The following SH3BGRL2 variants were observed in gnomAD, a reference collection of about 807,000 sequenced individuals.
SH3BGRL2 encodes the protein SH3 domain binding glutamate rich protein like 2.
Under a neutral mutation model 14.8 loss-of-function variants are expected in SH3BGRL2, and 21 were observed. That is an observed-to-expected ratio of 1.42 (90% CI 1.01 to 2.05). The LOEUF (loss-of-function observed/expected upper bound fraction) is 2.05, where lower values mean the gene tolerates loss of function less well. Ranked by LOEUF, SH3BGRL2 falls within the 30% of genes most tolerant of loss-of-function variation. The probability of loss-of-function intolerance (pLI) is 0.00; values close to 1 mark genes in which losing one functional copy is unlikely to be tolerated. For missense variants in SH3BGRL2, 147 were observed against 130.8 expected, an observed-to-expected ratio of 1.12 and a Z score of -0.61; for synonymous variants, 50 against 47.8, an observed-to-expected ratio of 1.05 and a Z score of -0.19.
At chr6:79,671,220 A>G (rs1310835523) in intron 1 of SH3BGRL2, among the ~76,000 whole-genome samples, 2 of 152,092 alleles carry the variant, frequency 1.3e-5, no homozygotes, top group African/African-American at 4.8e-5. Flanking sequence ...TAATCCCAGC[A>G]CTTTGCGAGG....
the SH3BGRL2 span, among the ~76,000 whole-genome samples, chr6:79,569,833 C>T: frequency 1.6e-4 from 24 of 152,138 alleles, no homozygotes; most frequent in Non-Finnish European, 3.5e-4. Flanking sequence ...CTACAGTAGT[C>T]TCTTTAATCA....
upstream of SH3BGRL2, among the ~76,000 whole-genome samples, chr6:79,630,099 C>T (rs142481802): frequency 5.3e-5 from 8 of 152,036 alleles, no homozygotes; most frequent in African/African-American, 1.7e-4. Flanking sequence ...ATTTTAAACA[C>T]GAAGAAGAAA....
chr6:79,703,564 C>G lies in SH3BGRL2; in HGVS notation c.*4055C>G, dbSNP rs1360128687. The G allele has an allele frequency of 6.6e-6, 1 of 152,174 alleles. No homozygotes were observed. Among genetic ancestry groups the G allele is most frequent in the Admixed American group, 6.5e-5 (1 of 15,268 alleles). 9.4% of individuals were successfully genotyped at this position (152,174 alleles called of 1,614,324 possible). On this transcript the variant is annotated 3_prime_UTR_variant, in exon 4 of 4. Coordinates refer to ENST00000369838, the MANE Select transcript of SH3BGRL2 (RefSeq NM_031469.4). The stretch of plus-strand genomic sequence containing the variant: ...CTGTCTGATAGAGGGAACCCCTGTA[C>G]TGAACTTTGTGTTGACCATAGCCTT...
At chr6:79,663,023 T>G (rs1230589205) in intron 1 of SH3BGRL2, among the ~76,000 whole-genome samples, 1 of 152,226 alleles carries the variant, frequency 6.6e-6, no homozygotes, top group Non-Finnish European at 1.5e-5. Context: ...TTCTCTACAC[T>G]GCTTATTCTA....
chr6:79,615,832 C>CTTTTT, the SH3BGRL2 span, among the ~76,000 whole-genome samples: 15 of 109,212 alleles, frequency 1.4e-4, no homozygotes, highest in Non-Finnish European at 2.1e-4. Flanking sequence ...TTTTTTCTTT[C>CTTTTT]TTTTTTTTTT....
intron 1 of SH3BGRL2, among the ~76,000 whole-genome samples, chr6:79,655,955 G>A (rs1336257070): frequency 6.6e-6 from 1 of 152,208 alleles, no homozygotes. Context: ...AGTGGGAGGG[G>A]AAGGTAGTTG....
At chr6:79,589,218 T>TG in the SH3BGRL2 span, among the ~76,000 whole-genome samples, 1 of 149,478 alleles carries the variant, frequency 6.7e-6, no homozygotes. Context: ...TTTTTTTTTT[T>TG]GATTCATGGT....
At chr6:79,605,228 A>G in the SH3BGRL2 span, among the ~76,000 whole-genome samples, 1 of 152,200 alleles carries the variant, frequency 6.6e-6, no homozygotes, top group Non-Finnish European at 1.5e-5. Context: ...CACATGCTAT[A>G]AGATCAATAT....
chr6:79,555,380 G>A, the SH3BGRL2 span, among the ~76,000 whole-genome samples: 1 of 152,054 alleles, frequency 6.6e-6, no homozygotes, highest in Non-Finnish European at 1.5e-5. Flanking sequence ...AACCCAGGAA[G>A]TAGAGGTTGC....
At chr6:79,648,343 AAT>A (rs761993154) in intron 1 of SH3BGRL2, among the ~76,000 whole-genome samples, 17 of 140,372 alleles carry the variant, frequency 1.2e-4, no homozygotes, top group African/African-American at 2.6e-4. Context: ...TTATATATAT[AAT>A]ATATATATAT....
the SH3BGRL2 span, among the ~76,000 whole-genome samples, chr6:79,541,324 A>C: frequency 6.6e-6 from 1 of 152,112 alleles, no homozygotes; most frequent in Non-Finnish European, 1.5e-5. Context: ...ACTGTATGTA[A>C]ATTTTACCTC....
chr6:79,603,622 G>A, the SH3BGRL2 span, among the ~76,000 whole-genome samples: 3 of 152,138 alleles, frequency 2.0e-5, no homozygotes, highest in Non-Finnish European at 4.4e-5. Context: ...AACGTCACAG[G>A]ATCTGGGATA....
At chr6:79,564,617 G>A in the SH3BGRL2 span, among the ~76,000 whole-genome samples, 3 of 151,910 alleles carry the variant, frequency 2.0e-5, no homozygotes, top group African/African-American at 7.3e-5. Context: ...AGCAAGGAGA[G>A]GCTTCCAATT....
chr6:79,597,469 A>G, the SH3BGRL2 span, among the ~76,000 whole-genome samples: 11 of 152,160 alleles, frequency 7.2e-5, no homozygotes, highest in Non-Finnish European at 1.3e-4. Flanking sequence ...AAGTCCTCAC[A>G]TTTAGGGTCA....
intron 1 of SH3BGRL2, among the ~76,000 whole-genome samples, chr6:79,655,744 G>A (rs9343925): frequency 0.098 from 14,982 of 152,228 alleles, 1,060 homozygotes; most frequent in East Asian, 0.32. Flanking sequence ...GTTCATCCAT[G>A]TTGTACATGT....
the SH3BGRL2 span, among the ~76,000 whole-genome samples, chr6:79,616,193 A>T: frequency 2.0e-5 from 3 of 152,096 alleles, no homozygotes; most frequent in African/African-American, 7.2e-5. Flanking sequence ...TGTGTTTGGG[A>T]GGCAGTGAGG....
intron 1 of SH3BGRL2, among the ~76,000 whole-genome samples, chr6:79,649,512 C>T (rs968019230): frequency 1.3e-5 from 2 of 152,154 alleles, no homozygotes; most frequent in Non-Finnish European, 1.5e-5. Flanking sequence ...TTTGCTCCTA[C>T]CTCTGGCCCC....
chr6:79,577,831 G>A, the SH3BGRL2 span, among the ~76,000 whole-genome samples: 4 of 152,328 alleles, frequency 2.6e-5, no homozygotes, highest in South Asian at 4.1e-4. Context: ...CACCTCACCC[G>A]GGAAGCACAA....
the SH3BGRL2 span, chr6:79,553,071 G>A: frequency 6.6e-6 from 1 of 152,140 alleles, no homozygotes. Flanking sequence ...TCAAGTTTTA[G>A]AATGGAAGCT....
Sources: gnomAD v4.1 joint callset for allele counts (sites outside exome capture counted in the v4.1 genomes callset) on GRCh38, gnomAD v4.1.1 for gene constraint, MANE v1.5 for transcripts, NCBI Gene and HGNC (gene_info 2026-07-23, HGNC 2026-07-21) for gene names.